AMD1: variants seen among roughly 807,000 people sequenced by gnomAD.
The protein encoded by AMD1 is S-adenosylmethionine decarboxylase proenzyme.
In AMD1, 11 loss-of-function variants were observed where a neutral mutation model predicts 40.2. The ratio of observed to expected loss-of-function variants is 0.27; its 90% CI spans 0.17 to 0.45. The LOEUF (loss-of-function observed/expected upper bound fraction) is 0.45. AMD1 is among the 20% of genes least tolerant of loss of function. The pLI, the probability that AMD1 is intolerant of heterozygous loss-of-function variation, is 1.00. For synonymous variants in AMD1, 121 were observed against 130.8 expected (o/e 0.93, Z 0.51); for missense variants, 257 against 410.2 (o/e 0.63, Z 3.23).
the AMD1 span, among the ~76,000 whole-genome samples, chr6:110,863,000 A>G: frequency 9.9e-5 from 15 of 152,042 alleles, no homozygotes; most frequent in Admixed American, 4.6e-4. Flanking sequence ...GCTGGAGTGC[A>G]GTGGCGTGAT....
chr6:110,879,254 G>A (rs542522057), intron 1 of AMD1, among the ~76,000 whole-genome samples: 11 of 152,330 alleles, frequency 7.2e-5, no homozygotes, highest in Non-Finnish European at 5.9e-5. Context: ...GGGAAGCTGA[G>A]GTGGGAGGAT....
intron 1 of AMD1, chr6:110,875,515 C>T: frequency 3.5e-6 from 1 of 285,484 alleles, no homozygotes; most frequent in South Asian, 1.1e-4. Flanking sequence ...GGCGGCGCGG[C>T]CCGGGGTGGT....
At chr6:110,857,440 G>A in the AMD1 span, among the ~76,000 whole-genome samples, 1 of 151,704 alleles carries the variant, frequency 6.6e-6, no homozygotes, top group African/African-American at 2.4e-5. Flanking sequence ...GTTGAGGCAG[G>A]AGAATCGCTT....
the AMD1 span, among the ~76,000 whole-genome samples, chr6:110,821,551 T>G: frequency 6.6e-6 from 1 of 151,824 alleles, no homozygotes; most frequent in African/African-American, 2.4e-5. Flanking sequence ...GAGGCAGAGG[T>G]TGCAGTGAGC....
In AMD1 at chr6:110,890,284, A is replaced by G; in HGVS notation, c.355A>G (p.Lys119Glu). Residue 119 changes from lysine to glutamate, a missense_variant, in exon 4 of 9, where the codon AAG becomes GAG. Coordinates refer to ENST00000368885, the MANE Select transcript of AMD1 (RefSeq NM_001634.6). Reference sequence around the variant, plus strand: ...CTTTTATTCTCGTAAGAATTTCATGAAGCCTTCTCACCAAGGGTACCCACA... The same window carrying G: ...CTTTTATTCTCGTAAGAATTTCATGGAGCCTTCTCACCAAGGGTACCCACA... ...SFFYSRKNFM[K>E]PSHQGYPHRN... 6.3e-7 allele frequency: 1 copy of G among 1,581,910 alleles called. No individual in the cohort carries two copies. The highest frequency in any genetic ancestry group is 8.5e-7 in the Non-Finnish European group (1 of 1,172,312).
chr6:110,879,086 G>C (rs1005678103), intron 1 of AMD1, among the ~76,000 whole-genome samples: 3 of 152,142 alleles, frequency 2.0e-5, no homozygotes, highest in African/African-American at 7.2e-5. Context: ...TTCATGGCTG[G>C]GCTTGGTGGC....
At chr6:110,844,515 C>T in the AMD1 span, among the ~76,000 whole-genome samples, 1 of 151,976 alleles carries the variant, frequency 6.6e-6, no homozygotes, top group Non-Finnish European at 1.5e-5. Context: ...GGTGTGGTGG[C>T]TCACGCCTGT....
chr6:110,875,911 G>A (rs988804039), intron 1 of AMD1, among the ~76,000 whole-genome samples: 18 of 152,178 alleles, frequency 1.2e-4, no homozygotes, highest in Admixed American at 1.2e-3. Context: ...AGACGGCGCA[G>A]TCCCCGGGGC....
chr6:110,841,608 G>A, the AMD1 span, among the ~76,000 whole-genome samples: 2 of 151,634 alleles, frequency 1.3e-5, no homozygotes, highest in South Asian at 2.1e-4. Flanking sequence ...TAGATTGTGC[G>A]GTCTGGCTCC....
chr6:110,814,837 G>T, the AMD1 span: 1 of 841,054 alleles, frequency 1.2e-6, no homozygotes, highest in Admixed American at 2.2e-5. Flanking sequence ...GGCCGCGCGG[G>T]GGAGGCGGGC....
chr6:110,853,963 G>T, the AMD1 span, among the ~76,000 whole-genome samples: 1 of 152,168 alleles, frequency 6.6e-6, no homozygotes, highest in South Asian at 2.1e-4. Flanking sequence ...ACATTTCCCT[G>T]CCCTGCTCTC....
At chr6:110,824,860 T>C in the AMD1 span, among the ~76,000 whole-genome samples, 1 of 152,134 alleles carries the variant, frequency 6.6e-6, no homozygotes, top group African/African-American at 2.4e-5. Flanking sequence ...TTAGCTAATA[T>C]AAGCCTCATA....
At chr6:110,837,732 AAAAAAAAAAAAAAATATAT>A in the AMD1 span, among the ~76,000 whole-genome samples, 4 of 111,518 alleles carry the variant, frequency 3.6e-5, no homozygotes, top group African/African-American at 1.1e-4. Flanking sequence ...AAAAAAAAAA[AAAAAAAAAAAAAAATATAT>A]ATATATATAT....
chr6:110,892,061 G>A lies in AMD1; in HGVS notation c.428-100G>A. 6 of 1,339,276 alleles carry A rather than the reference G, an allele frequency of 4.5e-6. No individual in the cohort carries two copies. The South Asian group carries it at 7.2e-5, about 16-fold the overall frequency. The allele number at this position is 1,339,276 out of a possible 1,614,324, so 83.0% of individuals were successfully genotyped here. A position where few individuals can be genotyped will look rare whatever the true frequency, so the allele number is the denominator to read the frequency against. ...CACTGATGGATGACATTTCTAATAAGTGGCAAATAGTATCATTCTGCTTAT... is the reference window on the plus strand; with the variant it reads ...CACTGATGGATGACATTTCTAATAAATGGCAAATAGTATCATTCTGCTTAT... On this transcript the variant is annotated intron_variant, in intron 4 of 8. Transcript: ENST00000368885.
the AMD1 span, among the ~76,000 whole-genome samples, chr6:110,854,456 T>G: frequency 1.4e-5 from 2 of 146,880 alleles, no homozygotes; most frequent in African/African-American, 5.0e-5. Context: ...TCTTTCTTTC[T>G]TTTTTTTTTT....
chr6:110,866,339 G>C, the AMD1 span, among the ~76,000 whole-genome samples: 1 of 152,266 alleles, frequency 6.6e-6, no homozygotes, highest in East Asian at 1.9e-4. Flanking sequence ...GGGATCAAAA[G>C]AGGGCTTTCC....
At chr6:110,858,983 G>A in the AMD1 span, 5 of 1,137,178 alleles carry the variant, frequency 4.4e-6, no homozygotes, top group African/African-American at 4.5e-5. Context: ...TGGGCTACAC[G>A]CAGGGCGCCA....
Position 110,892,740 on chromosome 6 carries a change from T to A in AMD1, c.621T>A (p.Ser207Arg). 1 of 1,609,300 alleles carries A rather than the reference T, an allele frequency of 6.2e-7. No individual in the cohort carries two copies. Among genetic ancestry groups the A allele is most frequent in the Non-Finnish European group, 8.5e-7 (1 of 1,177,238 alleles). ...GVTAKDVTRE[S>R]GIRDLIPGSV... is the part of the protein sequence containing the mutation. ...CGGTCTTTTTCCCCCCCCAGGAGAG[T>A]GGAATTCGTGACCTGATACCAGGTT... Residue 207 changes from serine to arginine, a missense_variant, in exon 7 of 9, where the codon AGT becomes AGA. Physicochemically the swap from Ser to Arg is moderately radical, Grantham distance 110 (BLOSUM62 -1). Coordinates refer to ENST00000368885, the MANE Select transcript of AMD1 (RefSeq NM_001634.6).
At chr6:110,821,048 T>C in the AMD1 span, among the ~76,000 whole-genome samples, 6 of 152,236 alleles carry the variant, frequency 3.9e-5, no homozygotes, top group African/African-American at 1.2e-4. Flanking sequence ...AGTTTTAATC[T>C]TCGCTGGTTA....
Sources: gnomAD v4.1 joint callset for allele counts (sites outside exome capture counted in the v4.1 genomes callset) on GRCh38, gnomAD v4.1.1 for gene constraint, MANE v1.5 for transcripts, NCBI Gene and HGNC (gene_info 2026-07-23, HGNC 2026-07-21) for gene names.